Variants in ADAMTS20 observed in about 807,000 individuals in gnomAD.
The protein encoded by ADAMTS20 is ADAM metallopeptidase with thrombospondin type 1 motif 20, also known as A disintegrin and metalloproteinase with thrombospondin motifs 20.
In ADAMTS20, 225 loss-of-function variants were observed where a neutral mutation model predicts 260.1. The ratio of observed to expected loss-of-function variants is 0.87; its 90% CI spans 0.78 to 0.97. The LOEUF (loss-of-function observed/expected upper bound fraction) is 0.97. Ranked by LOEUF, ADAMTS20 falls within the 50% of genes least tolerant of loss-of-function variation. The pLI is 0.00. For missense variants in ADAMTS20, 2,400 were observed against 2,337.7 expected, an observed-to-expected ratio of 1.03 and a Z score of -0.55; for synonymous variants, 802 against 769.5, an observed-to-expected ratio of 1.04 and a Z score of -0.70.
rs1359352493 is a variant in ADAMTS20, at chr12:43,354,085, A to T, written c.*124T>A. On this transcript the variant is annotated 3_prime_UTR_variant, in exon 39 of 39. Transcript: ENST00000389420. Reference sequence around the variant, plus strand: ...TTGAATCCCTGATGAGCACCCTGAAAAAAAGGCAGAGACATATTGGACATG... The same window carrying T: ...TTGAATCCCTGATGAGCACCCTGAATAAAAGGCAGAGACATATTGGACATG... 4.6e-6 allele frequency: 3 copies of T among 651,050 alleles called. No homozygotes were observed. The highest frequency in any genetic ancestry group is 7.3e-6 in the Non-Finnish European group (3 of 408,414). The allele number at this position is 651,050 out of a possible 1,614,324, so 40.3% of individuals were successfully genotyped here.
intron 3 of ADAMTS20, among the ~76,000 whole-genome samples, chr12:43,519,789 G>A (rs1346598743): frequency 6.6e-6 from 1 of 152,132 alleles, no homozygotes; most frequent in Non-Finnish European, 1.5e-5. Flanking sequence ...ATACAAAAGA[G>A]AGAGATAACG....
At chr12:43,383,248 A>G (rs1255175359) in intron 31 of ADAMTS20, among the ~76,000 whole-genome samples, 2 of 152,186 alleles carry the variant, frequency 1.3e-5, no homozygotes, top group Admixed American at 1.3e-4. Context: ...TGGTTCATCA[A>G]TTACACCTCG....
intron 19 of ADAMTS20, 75 bp from the exon 20 acceptor site, chr12:43,432,886 T>C: frequency 7.7e-7 from 1 of 1,290,934 alleles, no homozygotes; most frequent in South Asian, 1.4e-5. Flanking sequence ...ACTCATGCAT[T>C]CAGTTTTTAA....
chr12:43,430,230 C>T (rs1941414380), intron 23 of ADAMTS20, 122 bp downstream of exon 23: 3 of 1,178,876 alleles, frequency 2.5e-6, no homozygotes, highest in East Asian at 5.4e-5. Context: ...CTCTCTCACA[C>T]ATACACGTGT....
At chr12:43,485,112 GCAA>G (rs142553845) in intron 7 of ADAMTS20, among the ~76,000 whole-genome samples, 7 of 122,446 alleles carry the variant, frequency 5.7e-5, no homozygotes, top group East Asian at 2.5e-4. Flanking sequence ...AAAAAAAAAA[GCAA>G]CAACAACAAC....
intron 16 of ADAMTS20, among the ~76,000 whole-genome samples, chr12:43,440,929 C>G (rs894840466): frequency 2.0e-5 from 3 of 151,946 alleles, no homozygotes; most frequent in African/African-American, 7.2e-5. Context: ...GCCGGGCGTA[C>G]TGGCGGGCGC....
chr12:43,459,103 T>G (rs1196852497), intron 11 of ADAMTS20, among the ~76,000 whole-genome samples: 3 of 152,120 alleles, frequency 2.0e-5, no homozygotes, highest in Admixed American at 2.0e-4. Context: ...TTCACTCTAT[T>G]AAATCTTGCA....
intron 28 of ADAMTS20, among the ~76,000 whole-genome samples, chr12:43,421,305 C>G (rs897747382): frequency 8.4e-6 from 1 of 119,114 alleles, no homozygotes; most frequent in Non-Finnish European, 1.8e-5. Context: ...AAAACTTTCT[C>G]TTTTTTTGTG....
chr12:43,485,383 TA>T (rs1217723934), intron 7 of ADAMTS20, among the ~76,000 whole-genome samples: 1 of 152,016 alleles, frequency 6.6e-6, no homozygotes, highest in Non-Finnish European at 1.5e-5. Context: ...CCCTTTATGA[TA>T]AAAATCCTCA....
In ADAMTS20 at chr12:43,405,416, TCTAATAATAATAATA is replaced by T. The variant is rs1172158977; in HGVS notation, c.4285-6198_4285-6184del. 1.7e-4 allele frequency among the ~76,000 whole-genome samples: 12 copies of T among 70,030 alleles called. No individual in the cohort carries two copies. In the South Asian group the frequency reaches 2.0e-3, roughly 11 times the overall value. The allele number at this position is 70,030 out of a possible 152,430, so 45.9% of individuals were successfully genotyped here. ...CTGGGCAACAGAAGAAGACGTCTTC[TCTAATAATAATAATA>T]ATAATAATAATAATAATAATAATAA... On this transcript the variant is annotated intron_variant, in intron 28 of 38. Transcript: ENST00000389420.
chr12:43,438,977 A>T (rs1019329945), intron 18 of ADAMTS20, among the ~76,000 whole-genome samples: 4 of 152,192 alleles, frequency 2.6e-5, no homozygotes, highest in Non-Finnish European at 4.4e-5. Flanking sequence ...CAGAATTGGG[A>T]TCTTATTAAT....
chr12:43,524,787 A>C (rs1417396951), intron 3 of ADAMTS20, among the ~76,000 whole-genome samples: 1 of 152,212 alleles, frequency 6.6e-6, no homozygotes, highest in Non-Finnish European at 1.5e-5. Context: ...CAAGGCTTTC[A>C]AATTAATCTA....
At chr12:43,411,145 G>GA (rs1358569724) in intron 28 of ADAMTS20, among the ~76,000 whole-genome samples, 4 of 152,100 alleles carry the variant, frequency 2.6e-5, no homozygotes, top group Non-Finnish European at 5.9e-5. Context: ...ACTCAGATGA[G>GA]AAAAATGCAA....
chr12:43,458,267 AATCAGAAT>A (rs1399140755), intron 11 of ADAMTS20, among the ~76,000 whole-genome samples: 1 of 152,244 alleles, frequency 6.6e-6, no homozygotes, highest in Non-Finnish European at 1.5e-5. Context: ...CAAAGGAGGC[AATCAGAAT>A]ATCCATCTAT....
rs1432741297 is a variant in ADAMTS20, at chr12:43,551,237, A to G, written c.125T>C (p.Val42Ala). 1.1e-5 allele frequency: 17 copies of G among 1,613,700 alleles called. No individual in the cohort carries two copies. Among genetic ancestry groups the G allele is most frequent in the Non-Finnish European group, 1.4e-5 (16 of 1,179,816 alleles). Residue 42 changes from valine to alanine, a missense_variant, in exon 2 of 39, where the codon GTA becomes GCA. Val to Ala is a moderately conservative substitution (Grantham distance 64). Transcript: ENST00000389420. This position sits in a 1 kb window ranked among gnomAD's most constrained non-coding sequence, Gnocchi z 4.6. ...ALVRTLTSYE[V>A]VIPERVNEFG... ...CTCATTGACCCGCTCGGGGATCACTACTTCGTAGGAGGTCAGTGTCCTCAC... is the reference window on the plus strand; with the variant it reads ...CTCATTGACCCGCTCGGGGATCACTGCTTCGTAGGAGGTCAGTGTCCTCAC...
chr12:43,440,816 T>C (rs1461453822), intron 16 of ADAMTS20, among the ~76,000 whole-genome samples: 1 of 152,020 alleles, frequency 6.6e-6, no homozygotes, highest in African/African-American at 2.4e-5. Flanking sequence ...TTTAAAACTC[T>C]AGGGTCGGGA....
In ADAMTS20 at chr12:43,452,389, T is replaced by C; in HGVS notation, c.1964A>G (p.Lys655Arg). The C allele has an allele frequency of 6.2e-7, 1 of 1,612,372 alleles. No individual in the cohort carries two copies. The highest frequency in any genetic ancestry group is 8.5e-7 in the Non-Finnish European group (1 of 1,179,362). Reference protein sequence around the residue: ...YSGIGTKDRCKLYCQVAGTNY... With the variant: ...YSGIGTKDRCRLYCQVAGTNY... ...GGTTCCAGCAACCTGACAATAGAGT[T>C]TACAACGATCCTTTGTGCCAACTGT... The change falls in exon 14 of 39, where the codon AAA (lysine) becomes AGA (arginine). Residue 655 changes from lysine to arginine, a missense_variant. Physicochemically the swap from Lys to Arg is conservative, Grantham distance 26. Transcript: ENST00000389420.
intron 29 of ADAMTS20, 53 bp from the exon 30 acceptor site, chr12:43,384,030 A>T (rs1404549870): frequency 1.3e-6 from 2 of 1,504,554 alleles, no homozygotes; most frequent in East Asian, 4.7e-5. Flanking sequence ...ACCAAATTAT[A>T]TAAAAGTAGC....
At chr12:43,359,246 T>C (rs1486520954) in intron 37 of ADAMTS20, among the ~76,000 whole-genome samples, 1 of 152,224 alleles carries the variant, frequency 6.6e-6, no homozygotes, top group Non-Finnish European at 1.5e-5. Flanking sequence ...AATTGGAATG[T>C]TTATTCTTGA....
Sources: gnomAD v4.1 joint callset for allele counts (sites outside exome capture counted in the v4.1 genomes callset) on GRCh38, gnomAD v4.1.1 for gene constraint, Gnocchi (gnomAD v3.1) non-coding constraint, MANE v1.5 for transcripts, NCBI Gene and HGNC (gene_info 2026-07-23, HGNC 2026-07-21) for gene names.